The following RTN4R variants were observed in gnomAD, a reference collection of about 807,000 sequenced individuals.
The protein encoded by RTN4R is reticulon-4 receptor.
In RTN4R, 4 loss-of-function variants were observed where a neutral mutation model predicts 27.7. The observed-to-expected ratio is 0.14, with a 90% CI of 0.07 to 0.33. The LOEUF is 0.33. Ranked by LOEUF, RTN4R falls within the 10% of genes least tolerant of loss-of-function variation. RTN4R has a pLI of 1.00. For missense variants in RTN4R, 554 were observed against 671.5 expected, an observed-to-expected ratio of 0.83 and a Z score of 1.93; for synonymous variants, 290 against 305.6, an observed-to-expected ratio of 0.95 and a Z score of 0.53.
At chr22:20,244,936 C>T (rs2051131128) in intron 1 of RTN4R, among the ~76,000 whole-genome samples, 1 of 152,140 alleles carries the variant, frequency 6.6e-6, no homozygotes, top group African/African-American at 2.4e-5. Context: ...GGTGGCCACG[C>T]CCGCCACATT....
intron 1 of RTN4R, chr22:20,267,641 G>A (rs1161153643): frequency 4.3e-6 from 2 of 467,364 alleles, no homozygotes; most frequent in Non-Finnish European, 8.9e-6. Flanking sequence ...AGCCCAGACC[G>A]TGAGGCTGGG....
chr22:20,242,325 G>A lies in RTN4R; in HGVS notation c.808C>T (p.Pro270Ser), dbSNP rs555273919. 16 of 1,610,062 alleles carry A rather than the reference G, an allele frequency of 9.9e-6. No homozygotes were observed. The South Asian group carries it at 1.8e-4, about 18-fold the overall frequency. ...AACTTCTGCAGCCAGGCCCAGAGTG[G>A]GCGTGCCCGGCAGTCACACACCCAG... The part of the protein sequence containing the change: ...NPWVCDCRAR[P>S]LWAWLQKFRG... Residue 270 changes from proline (P) to serine (S), a missense_variant, in exon 2 of 2, where the codon CCA becomes TCA. By Grantham distance (74) the Pro-to-Ser change is moderately conservative. Transcript: ENST00000043402.
At chr22:20,262,957 G>A (rs1381373918) in intron 1 of RTN4R, among the ~76,000 whole-genome samples, 2 of 152,250 alleles carry the variant, frequency 1.3e-5, no homozygotes, top group African/African-American at 4.8e-5. Context: ...GCTCCCAGGA[G>A]GAGGTGAGGG....
chr22:20,242,576 T>C lies in RTN4R; in HGVS notation c.557A>G (p.His186Arg). The C allele has an allele frequency of 6.2e-7, 1 of 1,613,396 alleles. No homozygotes were observed. Among genetic ancestry groups the C allele is most frequent in the South Asian group, 1.1e-5 (1 of 91,084 alleles). The change falls in exon 2 of 2, where the codon CAC (histidine) becomes CGC (arginine). Residue 186 changes from histidine (H) to arginine (R), a missense_variant. Coordinates refer to ENST00000043402, the MANE Select transcript of RTN4R (RefSeq NM_023004.6). ...GGGCACGCTGGAGATGCGGTTGCCG[T>C]GCAGGAAGAGGTGTGTGAGGTTGCC... ...DLGNLTHLFL[H>R]GNRISSVPER...
rs1040493022 is a variant in RTN4R at position 20,267,986 on chromosome 22, G to C, written c.22+85C>G. On this transcript the variant is annotated intron_variant, in intron 1 of 1. Transcript: ENST00000043402. ...TTCCCTCGCCTCGGCAGCCCGGGACGGGCCCTGCGGCTCCGGGGAGGGGGC... is the reference window on the plus strand; with the variant it reads ...TTCCCTCGCCTCGGCAGCCCGGGACCGGCCCTGCGGCTCCGGGGAGGGGGC... The C allele has an allele frequency of 6.3e-5, 48 of 764,676 alleles. 2 individuals carry two copies. The highest frequency in any genetic ancestry group is 1.0e-3 in the Middle Eastern group (2 of 1,966). The allele number at this position is 764,676 out of a possible 1,614,324, so 47.4% of individuals were successfully genotyped here.
rs1370219410 is a variant in RTN4R, at chr22:20,242,390, G to T, written c.743C>A (p.Pro248His). ...LSALPTEALA[P>H]LRALQYLRLN... ...CCTCAGGTACTGCAGGGCACGCAGG[G>T]GGGCCAGGGCCTCAGTGGGCAGCGC... Residue 248 changes from proline (P) to histidine (H), a missense_variant, in exon 2 of 2, where the codon CCC (proline) becomes CAC (histidine). Transcript: ENST00000043402. The T allele has an allele frequency of 1.2e-6, 2 of 1,612,922 alleles. No individual in the cohort carries two copies. Among genetic ancestry groups the T allele is most frequent in the Non-Finnish European group, 1.7e-6 (2 of 1,179,916 alleles).
chr22:20,260,803 C>T (rs1300488854), intron 1 of RTN4R, among the ~76,000 whole-genome samples: 6 of 152,178 alleles, frequency 3.9e-5, no homozygotes, highest in Admixed American at 3.3e-4. Context: ...GGCAGAGGAC[C>T]CCATACTTCT....
In RTN4R at chr22:20,250,262, G is replaced by A. The variant is rs116647430; in HGVS notation, c.23-7152C>T. On this transcript the variant is annotated intron_variant, in intron 1 of 1. Transcript: ENST00000043402. ...CAAACTGGCCCAAGGGCTGGCTGCT[G>A]CTTCTGTAAAGGATGTGCTATTGGC... Among the ~76,000 whole-genome samples, 874 of 152,376 alleles carry A rather than the reference G, an allele frequency of 5.7e-3. 7 individuals are homozygous for A. The highest frequency in any genetic ancestry group is 0.019 in the African/African-American group (809 of 41,590).
rs114044671 is a variant in RTN4R at position 20,252,258 on chromosome 22, A to G, written c.23-9148T>C. Among the ~76,000 whole-genome samples, 561 of 152,218 alleles carry G rather than the reference A, an allele frequency of 3.7e-3. 6 individuals carry two copies. The highest frequency in any genetic ancestry group is 0.013 in the African/African-American group (536 of 41,524). ...GGGCAGCCTGGGGCTGACCTCACACAAGGATAGGAAGCCCCAGGTGAGCAA... is the reference window on the plus strand; with the variant it reads ...GGGCAGCCTGGGGCTGACCTCACACGAGGATAGGAAGCCCCAGGTGAGCAA... On this transcript the variant is annotated intron_variant, in intron 1 of 1. Coordinates refer to ENST00000043402, the MANE Select transcript of RTN4R (RefSeq NM_023004.6).
intron 1 of RTN4R, among the ~76,000 whole-genome samples, chr22:20,261,015 C>T (rs1344918868): frequency 2.0e-5 from 3 of 152,196 alleles, no homozygotes; most frequent in African/African-American, 4.8e-5. Flanking sequence ...TTTGGGCTCC[C>T]CTGGCATGAA....
chr22:20,241,510 G>A lies in RTN4R; in HGVS notation c.*201C>T. On this transcript the variant is annotated 3_prime_UTR_variant, in exon 2 of 2. Coordinates refer to ENST00000043402, the MANE Select transcript of RTN4R (RefSeq NM_023004.6). Reference sequence around the variant, plus strand: ...TATACCGCGATCTGGGTGGGAGGCGGCGTTCTGGAACAAACGCTGCCGCCG... The same window carrying A: ...TATACCGCGATCTGGGTGGGAGGCGACGTTCTGGAACAAACGCTGCCGCCG... 5 of 604,762 alleles carry A rather than the reference G, an allele frequency of 8.3e-6. No homozygotes were observed. The highest frequency in any genetic ancestry group is 2.9e-6 in the Non-Finnish European group (1 of 340,640). 37.5% of individuals were successfully genotyped at this position (604,762 alleles called of 1,614,324 possible). A position where few individuals can be genotyped will look rare whatever the true frequency, so the allele number is the denominator to read the frequency against.
At chr22:20,250,466 C>T (rs1470179379) in intron 1 of RTN4R, among the ~76,000 whole-genome samples, 1 of 152,228 alleles carries the variant, frequency 6.6e-6, no homozygotes, top group Non-Finnish European at 1.5e-5. Flanking sequence ...GGTGCTGCCA[C>T]CTTCACCCTC....
chr22:20,246,146 C>T (rs184319198), intron 1 of RTN4R, among the ~76,000 whole-genome samples: 1 of 152,226 alleles, frequency 6.6e-6, no homozygotes, highest in Admixed American at 6.5e-5. Context: ...GCTCCTGTCT[C>T]AGCCCAGGCC....
At chr22:20,248,352 C>A (rs558607452) in intron 1 of RTN4R, among the ~76,000 whole-genome samples, 1 of 152,272 alleles carries the variant, frequency 6.6e-6, no homozygotes, top group East Asian at 1.9e-4. Flanking sequence ...AAGGCTCAGC[C>A]ACCCCCGCTC....
Position 20,241,951 on chromosome 22 carries a change from C to A in RTN4R, c.1182G>T (p.Pro394=). The change falls in exon 2 of 2, where the codon CCG becomes CCT. Residue 394 remains proline, a synonymous_variant. Transcript: ENST00000043402. Reference sequence around the variant, plus strand: ...AGCCCTCGGGCCGCACTGCAGTGAGCGGGGGCTCAGCAGAGCCAGGCAGAG... The same window carrying A: ...AGCCCTCGGGCCGCACTGCAGTGAGAGGGGGCTCAGCAGAGCCAGGCAGAG... ...FGTLPGSAEP[P]LTAVRPEGSE... The A allele has an allele frequency of 6.2e-7, 1 of 1,608,710 alleles. No individual in the cohort carries two copies. Among genetic ancestry groups the A allele is most frequent in the Non-Finnish European group, 8.5e-7 (1 of 1,179,580 alleles).
chr22:20,253,191 A>G (rs920978321), intron 1 of RTN4R, among the ~76,000 whole-genome samples: 4 of 152,204 alleles, frequency 2.6e-5, no homozygotes, highest in African/African-American at 9.6e-5. Context: ...AGGCTGTGCT[A>G]CAAACCCACC....
At chr22:20,250,449 G>A (rs1409259103) in intron 1 of RTN4R, among the ~76,000 whole-genome samples, 1 of 152,188 alleles carries the variant, frequency 6.6e-6, no homozygotes, top group Admixed American at 6.5e-5. Flanking sequence ...TGAGCAAGCC[G>A]AGTGTGGGTG....
In RTN4R at chr22:20,243,073, G is replaced by A. The variant is rs1289052486; in HGVS notation, c.60C>T (p.Ala20=). 1 of 1,600,276 alleles carries A rather than the reference G, an allele frequency of 6.2e-7. No individual in the cohort carries two copies. Among genetic ancestry groups the A allele is most frequent in the Non-Finnish European group, 8.5e-7 (1 of 1,179,784 alleles). ...RLLAWVLWLQ[A]WQVAAPCPGA... is the part of the protein sequence containing the mutation. Reference sequence around the variant, plus strand: ...CTGGGCATGGGGCTGCCACCTGCCAGGCCTGCAGCCACAGCACCCATGCCA... The same window carrying A: ...CTGGGCATGGGGCTGCCACCTGCCAAGCCTGCAGCCACAGCACCCATGCCA... The change falls in exon 2 of 2, where the codon GCC becomes GCT. Residue 20 remains alanine, a synonymous_variant. Coordinates refer to ENST00000043402, the MANE Select transcript of RTN4R (RefSeq NM_023004.6).
chr22:20,242,215 C>A lies in RTN4R; in HGVS notation c.918G>T (p.Leu306=). The A allele has an allele frequency of 6.2e-7, 1 of 1,607,452 alleles. No homozygotes were observed. The highest frequency in any genetic ancestry group is 8.5e-7 in the Non-Finnish European group (1 of 1,177,608). The change falls in exon 2 of 2, where the codon CTG becomes CTT. Residue 306 remains leucine, a synonymous_variant. Coordinates refer to ENST00000043402, the MANE Select transcript of RTN4R (RefSeq NM_023004.6). The stretch of plus-strand genomic sequence containing the variant: ...GGCCGGTGGCCACAGCGCAGCCCTG[C>A]AGGTCATTGGCAGCTAGGCGTTTGA... ...RDLKRLAAND[L]QGCAVATGPY...
Sources: gnomAD v4.1 joint callset for allele counts (sites outside exome capture counted in the v4.1 genomes callset) on GRCh38, gnomAD v4.1.1 for gene constraint, MANE v1.5 for transcripts, NCBI Gene and HGNC (gene_info 2026-07-23, HGNC 2026-07-21) for gene names.